Variants in PLB1 observed in about 807,000 individuals in gnomAD.
The protein encoded by PLB1 is phospholipase B1, membrane-associated.
Under a neutral mutation model 227.4 loss-of-function variants are expected in PLB1, and 242 were observed. That is an observed-to-expected ratio of 1.06 (90% CI 0.96 to 1.18). PLB1 has a LOEUF of 1.18. Among genes scored for constraint, PLB1 ranks in the 50% most tolerant of loss-of-function variants. The pLI, the probability that PLB1 is intolerant of heterozygous loss-of-function variation, is 0.00. For synonymous variants in PLB1, 757 were observed against 682.2 expected (o/e 1.11, Z -1.71); for missense variants, 1,858 against 1,816.3 (o/e 1.02, Z -0.42).
chr2:28,509,832 C>G (rs924361663), intron 1 of PLB1, among the ~76,000 whole-genome samples: 2 of 152,136 alleles, frequency 1.3e-5, no homozygotes, highest in Admixed American at 6.5e-5. Flanking sequence ...ATAATTTCTT[C>G]CACAGCACCT....
rs1362785694 is a variant in PLB1, at chr2:28,643,479, A to G, written c.*418A>G. 1 of 166,922 alleles carries G rather than the reference A, an allele frequency of 6.0e-6. No homozygotes were observed. The highest frequency in any genetic ancestry group is 1.3e-5 in the Non-Finnish European group (1 of 77,550). 10.3% of individuals were successfully genotyped at this position (166,922 alleles called of 1,614,324 possible). ...ATGCTGGTCACCAGGTGGTGGCTGG[A>G]ATTTTGGAGCTGGCTGGTTGCCATT... On this transcript the variant is annotated 3_prime_UTR_variant, in exon 58 of 58. Transcript: ENST00000327757.
At chr2:28,624,914 C>G in intron 49 of PLB1, 143 bp from the exon 50 acceptor site, 1 of 785,186 alleles carries the variant, frequency 1.3e-6, no homozygotes, top group Non-Finnish European at 2.1e-6. Context: ...TGTTACTAAG[C>G]TGAGATTTCT....
intron 14 of PLB1, among the ~76,000 whole-genome samples, chr2:28,546,850 T>C (rs1673339533): frequency 6.6e-6 from 1 of 152,220 alleles, no homozygotes; most frequent in Non-Finnish European, 1.5e-5. Flanking sequence ...CAGAGTCATT[T>C]AGATATGGCT....
intron 9 of PLB1, among the ~76,000 whole-genome samples, chr2:28,532,520 ATGT>A (rs1219402030): frequency 2.0e-5 from 3 of 152,214 alleles, no homozygotes; most frequent in African/African-American, 4.8e-5. Flanking sequence ...ATAATTCATA[ATGT>A]TGTACATATG....
At chr2:28,611,096 G>GA (rs1414030475) in intron 43 of PLB1, among the ~76,000 whole-genome samples, 5 of 151,752 alleles carry the variant, frequency 3.3e-5, no homozygotes, top group East Asian at 1.9e-4. Flanking sequence ...ATAGGAGTTG[G>GA]AAAAAAAAGA....
chr2:28,585,833 G>C lies in PLB1; in HGVS notation c.1806G>C (p.Lys602Asn). Reference sequence around the variant, plus strand: ...TTGCTACCCTCATCGAATTCAACAAGAAGTTTCAGGTAAGCCGGGAAGGGG... The same window carrying C: ...TTGCTACCCTCATCGAATTCAACAACAAGTTTCAGGTAAGCCGGGAAGGGG... ...TELATLIEFN[K>N]KFQEKTHQLI... The change falls in exon 26 of 58, where the codon AAG (lysine) becomes AAC (asparagine). Residue 602 changes from lysine to asparagine, a missense_variant. Physicochemically the swap from Lys to Asn is moderately conservative, Grantham distance 94. Coordinates refer to ENST00000327757, the MANE Select transcript of PLB1 (RefSeq NM_153021.5). 1 of 1,605,016 alleles carries C rather than the reference G, an allele frequency of 6.2e-7. No homozygotes were observed. The highest frequency in any genetic ancestry group is 2.2e-5 in the East Asian group (1 of 44,846).
chr2:28,599,424 G>A (rs746521014), intron 35 of PLB1, among the ~76,000 whole-genome samples: 5 of 152,166 alleles, frequency 3.3e-5, no homozygotes, highest in Middle Eastern at 6.3e-3. Context: ...TGGTTGAGGG[G>A]TGTGGCCCCC....
intron 33 of PLB1, among the ~76,000 whole-genome samples, chr2:28,597,037 G>A (rs1229376181): frequency 1.3e-5 from 2 of 152,188 alleles, no homozygotes; most frequent in African/African-American, 2.4e-5. Context: ...GCTGAGGCGG[G>A]CGAATCATGA....
At chr2:28,600,698 C>A in intron 35 of PLB1, 111 bp from the exon 36 acceptor site, 1 of 966,114 alleles carries the variant, frequency 1.0e-6, no homozygotes, top group Admixed American at 2.2e-5. Context: ...GGGATCTCTG[C>A]CAGCTCATGC....
At chr2:28,597,264 G>A (rs796804458) in intron 33 of PLB1, among the ~76,000 whole-genome samples, 6,801 of 85,334 alleles carry the variant, frequency 0.08, 563 homozygotes, top group African/African-American at 0.25. Flanking sequence ...ACTCCGTCTC[G>A]AAAAAAAAAA....
rs747453824 is a variant in PLB1, at chr2:28,629,108, C to T, written c.3741C>T (p.Phe1247=). ...DILSEELPRA[F]VNVVEVMELA... ...ACTCCCTGCAGCTCCCAAGGGCTTT[C>T]GTCAACGTGGTGGAGGTCATGGAGC... The change falls in exon 53 of 58, where the codon TTC becomes TTT. Residue 1247 remains phenylalanine (F), a synonymous_variant. Transcript: ENST00000327757. 17 of 1,613,632 alleles carry T rather than the reference C, an allele frequency of 1.1e-5. No homozygotes were observed. The highest frequency in any genetic ancestry group is 1.6e-4 in the Middle Eastern group (1 of 6,080).
intron 43 of PLB1, 104 bp downstream of exon 43, chr2:28,606,671 C>A (rs1684727180): frequency 9.4e-7 from 1 of 1,065,542 alleles, no homozygotes; most frequent in Non-Finnish European, 1.4e-6. Context: ...CCATCTTGCC[C>A]CCTTACTGAG....
At chr2:28,568,882 A>G (rs1421709800) in intron 20 of PLB1, among the ~76,000 whole-genome samples, 2 of 152,170 alleles carry the variant, frequency 1.3e-5, no homozygotes, top group African/African-American at 4.8e-5. Context: ...GTTCCTCCCT[A>G]TGATATTCTT....
At position 28,604,059 on chromosome 2, in the gene PLB1, A is replaced by T. The variant is rs927648848; in HGVS notation, c.2856+12A>T. 6.2e-7 allele frequency: 1 copy of T among 1,607,412 alleles called. No individual in the cohort carries two copies. Among genetic ancestry groups the T allele is most frequent in the Non-Finnish European group, 8.5e-7 (1 of 1,173,834 alleles). ...GCCGAGCCTACCGGGTAAGACCAAG[A>T]AGGGCACCATGCTGTGTCCTCTCCC... On this transcript the variant is annotated intron_variant, in intron 40 of 57. Coordinates refer to ENST00000327757, the MANE Select transcript of PLB1 (RefSeq NM_153021.5).
intron 40 of PLB1, 90 bp downstream of exon 40, chr2:28,604,137 A>G: frequency 1.6e-6 from 2 of 1,282,450 alleles, no homozygotes; most frequent in East Asian, 2.4e-5. Flanking sequence ...CACACAGGGA[A>G]GGAAAAGCTG....
chr2:28,503,197 G>T (rs533612924), intron 1 of PLB1, among the ~76,000 whole-genome samples: 12 of 151,676 alleles, frequency 7.9e-5, no homozygotes, highest in African/African-American at 2.7e-4. Flanking sequence ...CTGCTGTCCA[G>T]GTTGGAGTGC....
intron 6 of PLB1, among the ~76,000 whole-genome samples, chr2:28,528,171 C>T (rs999421907): frequency 1.3e-5 from 2 of 152,198 alleles, no homozygotes; most frequent in East Asian, 1.9e-4. Flanking sequence ...CTCTCCCACC[C>T]GCACCCTGCC....
chr2:28,595,733 A>AT (rs2148291199), intron 33 of PLB1: 1 of 152,228 alleles, frequency 6.6e-6, no homozygotes, highest in South Asian at 2.1e-4. Flanking sequence ...TAGGCAATTA[A>AT]TGATACTAGA....
intron 49 of PLB1, among the ~76,000 whole-genome samples, chr2:28,621,300 C>G (rs1395525678): frequency 6.6e-6 from 1 of 152,148 alleles, no homozygotes; most frequent in East Asian, 1.9e-4. Flanking sequence ...CACATCTGCC[C>G]TGGACCCGGG....
Sources: allele counts gnomAD v4.1 joint callset (sites outside exome capture counted in the v4.1 genomes callset), GRCh38; gene constraint gnomAD v4.1.1; transcripts MANE v1.5; gene names NCBI Gene and HGNC (gene_info 2026-07-23, HGNC 2026-07-21).